PLA2G4A: variants seen among roughly 807,000 people sequenced by gnomAD.
PLA2G4A encodes the protein phospholipase A2 group IVA.
A neutral mutation model predicts 81.9 loss-of-function variants in PLA2G4A; 40 were observed. That is an observed-to-expected ratio of 0.49 (90% CI 0.38 to 0.64). PLA2G4A has a LOEUF of 0.64. Among genes scored for constraint, PLA2G4A ranks in the 30% least tolerant of loss-of-function variants. The probability of loss-of-function intolerance (pLI) is 0.00; values close to 1 mark genes in which losing one functional copy is unlikely to be tolerated. For synonymous variants in PLA2G4A, 302 were observed against 296.9 expected (o/e 1.02, Z -0.18); for missense variants, 715 against 905.1 (o/e 0.79, Z 2.69).
At chr1:186,905,696 C>CACA (rs1402644914) in intron 5 of PLA2G4A, among the ~76,000 whole-genome samples, 2 of 99,538 alleles carry the variant, frequency 2.0e-5, no homozygotes, top group Non-Finnish European at 4.3e-5. Flanking sequence ...CACTCCTCCT[C>CACA]CTCACACACA....
At chr1:186,977,927 A>G (rs770383225) in intron 16 of PLA2G4A, 139 bp downstream of exon 16, 28 of 695,420 alleles carry the variant, frequency 4.0e-5, no homozygotes, top group Non-Finnish European at 7.1e-5. Flanking sequence ...AATAGATACT[A>G]TTCTGAGACC....
At chr1:186,874,078 A>G (rs1156575113) in intron 3 of PLA2G4A, among the ~76,000 whole-genome samples, 3 of 152,072 alleles carry the variant, frequency 2.0e-5, no homozygotes, top group Admixed American at 6.6e-5. Context: ...TTACTTTTAA[A>G]CCTACAGGAA....
At chr1:186,947,645 A>G (rs1359516112) in intron 12 of PLA2G4A, among the ~76,000 whole-genome samples, 3 of 152,176 alleles carry the variant, frequency 2.0e-5, no homozygotes, top group Admixed American at 6.6e-5. Flanking sequence ...AGTTTCTTCC[A>G]AAAGCCTTGC....
chr1:186,986,932 A>C (rs1237865534), intron 17 of PLA2G4A, among the ~76,000 whole-genome samples: 6 of 152,230 alleles, frequency 3.9e-5, no homozygotes, highest in African/African-American at 1.4e-4. Flanking sequence ...GGGATCAGCA[A>C]ATATCAGCTT....
chr1:186,894,215 A>G lies in PLA2G4A; in HGVS notation c.378+4A>G, dbSNP rs1654254567. 1.0e-6 allele frequency: 1 copy of G among 964,682 alleles called. No homozygotes were observed. Among genetic ancestry groups the G allele is most frequent in the Non-Finnish European group, 1.7e-6 (1 of 587,082 alleles). The allele number at this position is 964,682 out of a possible 1,614,324, so 59.8% of individuals were successfully genotyped here. The stretch of plus-strand genomic sequence containing the variant: ...AGTTCCTTTTATTTTCAACCAAGTA[A>G]GTAACACTGCAGAATTATATTCCAA... On this transcript the variant is annotated splice_donor_region_variant and intron_variant, in intron 5 of 17. Coordinates refer to ENST00000367466, the MANE Select transcript of PLA2G4A (RefSeq NM_024420.3).
At chr1:186,875,702 T>TTGACTG (rs1299386203) in intron 3 of PLA2G4A, among the ~76,000 whole-genome samples, 5 of 152,102 alleles carry the variant, frequency 3.3e-5, no homozygotes, top group Non-Finnish European at 5.9e-5. Flanking sequence ...TGTGTGATAT[T>TTGACTG]TGTGATCCAT....
intron 1 of PLA2G4A, among the ~76,000 whole-genome samples, chr1:186,848,352 T>A (rs1652259930): frequency 6.6e-6 from 1 of 152,082 alleles, no homozygotes; most frequent in Non-Finnish European, 1.5e-5. Context: ...CTATAAGGGT[T>A]TAAAAACCAG....
Position 186,920,251 on chromosome 1 carries a change from C to T in PLA2G4A, c.558+8862C>T, listed in dbSNP as rs189975037. ...CTGTTTTGTAAAGGAGATGGTGGCT[C>T]TCAGCTTGCTAAGCAAGTCTCTTCC... is the stretch of plus-strand genomic sequence containing the variant. On this transcript the variant is annotated intron_variant, in intron 7 of 17. Transcript: ENST00000367466. 4.1e-4 allele frequency among the ~76,000 whole-genome samples: 62 copies of T among 152,246 alleles called. No homozygotes were observed. The East Asian group carries it at 9.9e-3, about 24-fold the overall frequency.
At chr1:186,898,381 G>A (rs939919051) in intron 5 of PLA2G4A, among the ~76,000 whole-genome samples, 1 of 152,108 alleles carries the variant, frequency 6.6e-6, no homozygotes, top group Non-Finnish European at 1.5e-5. Context: ...TCTATTCATT[G>A]ATTTACTTGA....
In PLA2G4A at chr1:186,979,339, A is replaced by G; in HGVS notation, c.1985A>G (p.Glu662Gly). 1 of 1,612,836 alleles carries G rather than the reference A, an allele frequency of 6.2e-7. No homozygotes were observed. Among genetic ancestry groups the G allele is most frequent in the Non-Finnish European group, 8.5e-7 (1 of 1,178,788 alleles). Residue 662 changes from glutamate (E) to glycine (G), a missense_variant, in exon 17 of 18, where the codon GAG becomes GGG. Transcript: ENST00000367466. ...APGVPRETEE[E>G]KEIADFDIFD... ...GGTGTTCCAAGGGAAACTGAGGAAG[A>G]GAAAGAAATCGCTGACTTTGATATT...
chr1:186,971,107 C>A (rs1407164945), intron 15 of PLA2G4A, among the ~76,000 whole-genome samples: 2 of 151,728 alleles, frequency 1.3e-5, no homozygotes, highest in Non-Finnish European at 2.9e-5. Context: ...TTTTTGAATA[C>A]ATTGCCTTTG....
intron 2 of PLA2G4A, among the ~76,000 whole-genome samples, chr1:186,857,134 AT>A (rs1652594252): frequency 3.6e-5 from 2 of 56,008 alleles, no homozygotes; most frequent in Non-Finnish European, 5.9e-5. Flanking sequence ...TATAATATAT[AT>A]TATATAATTA....
intron 1 of PLA2G4A, among the ~76,000 whole-genome samples, chr1:186,831,954 G>GT (rs5779305): frequency 1.4e-4 from 22 of 151,810 alleles, no homozygotes; most frequent in Middle Eastern, 3.4e-3. Context: ...GTTAAAACAT[G>GT]TTTTTTTTAA....
intron 8 of PLA2G4A, among the ~76,000 whole-genome samples, chr1:186,936,530 G>T (rs1655952577): frequency 6.6e-6 from 1 of 152,072 alleles, no homozygotes; most frequent in South Asian, 2.1e-4. Context: ...CTTAACAGAT[G>T]TTGAGGGTCT....
chr1:186,846,000 A>C (rs1483205410), intron 1 of PLA2G4A, among the ~76,000 whole-genome samples: 1 of 152,210 alleles, frequency 6.6e-6, no homozygotes, highest in Admixed American at 6.5e-5. Context: ...TACACTCACT[A>C]AGACTGGTTA....
At chr1:186,924,504 A>G (rs375596251) in intron 7 of PLA2G4A, among the ~76,000 whole-genome samples, 2 of 152,104 alleles carry the variant, frequency 1.3e-5, no homozygotes, top group Non-Finnish European at 2.9e-5. Context: ...GCTCTTCTTC[A>G]TCTGAGCGTT....
At position 186,939,091 on chromosome 1, in the gene PLA2G4A, G is replaced by A. The variant is rs1353959040; in HGVS notation, c.779G>A (p.Ser260Asn). Residue 260 changes from serine (S) to asparagine (N), a missense_variant, in exon 9 of 18, where the codon AGC becomes AAC. Ser to Asn is a conservative substitution (Grantham distance 46). Transcript: ENST00000367466. The part of the protein sequence containing the change: ...EINEELMKNV[S>N]HNPLLLLTPQ... ...AATGAAGAACTAATGAAAAATGTTA[G>A]CCACAATCCCCTTTTACTTCTCACA... is the stretch of plus-strand genomic sequence containing the variant. 2 of 1,610,322 alleles carry A rather than the reference G, an allele frequency of 1.2e-6. No individual in the cohort carries two copies. The highest frequency in any genetic ancestry group is 1.7e-6 in the Non-Finnish European group (2 of 1,176,702).
At chr1:186,849,243 A>G (rs1352211622) in intron 1 of PLA2G4A, among the ~76,000 whole-genome samples, 2 of 152,082 alleles carry the variant, frequency 1.3e-5, no homozygotes, top group Non-Finnish European at 2.9e-5. Flanking sequence ...GGGCCATTGT[A>G]TTCGGCACTA....
intron 1 of PLA2G4A, among the ~76,000 whole-genome samples, chr1:186,834,231 C>T (rs1157538826): frequency 1.3e-5 from 2 of 151,500 alleles, no homozygotes; most frequent in Non-Finnish European, 2.9e-5. Flanking sequence ...ATCAGAGGCC[C>T]AGTATTTTTT....
Sources: allele counts gnomAD v4.1 joint callset (sites outside exome capture counted in the v4.1 genomes callset), GRCh38; gene constraint gnomAD v4.1.1; transcripts MANE v1.5; gene names NCBI Gene and HGNC (gene_info 2026-07-23, HGNC 2026-07-21).